Variants in ZNF705A observed in about 807,000 individuals in gnomAD.
The protein encoded by ZNF705A is zinc finger protein 705A.
A neutral mutation model predicts 16.6 loss-of-function variants in ZNF705A; 8 were observed. The observed-to-expected ratio is 0.48, with a 90% CI of 0.28 to 0.87. The LOEUF is 0.87. Among genes scored for constraint, ZNF705A ranks in the 40% least tolerant of loss-of-function variants. ZNF705A has a pLI of 0.10. For synonymous variants in ZNF705A, 73 were observed against 117.3 expected (o/e 0.62, Z 2.44); for missense variants, 233 against 359.9 (o/e 0.65, Z 2.85).
chr12:8,162,733 C>T (rs748345673), intron 1 of ZNF705A, among the ~76,000 whole-genome samples: 2 of 152,040 alleles, frequency 1.3e-5, no homozygotes, highest in Admixed American at 6.6e-5. Flanking sequence ...CAGACAAGAG[C>T]GAAATGCTGT....
At chr12:8,174,040 A>G (rs1948465176) in intron 1 of ZNF705A, among the ~76,000 whole-genome samples, 1 of 152,178 alleles carries the variant, frequency 6.6e-6, no homozygotes, top group South Asian at 2.1e-4. Context: ...TTTTATAATC[A>G]GTTATGTAGA....
At chr12:8,176,042 C>A in intron 4 of ZNF705A, 100 bp downstream of exon 5, 1 of 1,560,762 alleles carries the variant, frequency 6.4e-7, no homozygotes, top group Non-Finnish European at 8.7e-7. Flanking sequence ...ATTAGGCTGG[C>A]ATTAAGTGCT....
intron 2 of ZNF705A, among the ~76,000 whole-genome samples, chr12:8,174,712 C>T (rs1287742261): frequency 6.6e-6 from 1 of 152,152 alleles, no homozygotes; most frequent in Non-Finnish European, 1.5e-5. Context: ...GTCTCTAATA[C>T]TCATAACAGA....
Position 8,177,197 on chromosome 12 carries a change from C to A in ZNF705A, c.517C>A (p.Gln173Lys), listed in dbSNP as rs778030520. ...AATTCATACTAAAGGTAAATCATAT[C>A]AATGTAATCTATGTGAAAAGGCCTA... The change falls in exon 5 of 5, where the codon CAA becomes AAA. Residue 173 changes from glutamine to lysine, a missense_variant. Gln to Lys is a moderately conservative substitution (Grantham distance 53). Transcript: ENST00000359286. 1.2e-5 allele frequency: 19 copies of A among 1,611,848 alleles called. No individual in the cohort carries two copies. Among genetic ancestry groups the A allele is most frequent in the Non-Finnish European group, 1.6e-5 (19 of 1,179,836 alleles).
At chr12:8,157,429 C>T (rs867046680) in intron 1 of ZNF705A, among the ~76,000 whole-genome samples, 3 of 152,092 alleles carry the variant, frequency 2.0e-5, no homozygotes, top group African/African-American at 4.8e-5. Flanking sequence ...GTATAGGCTG[C>T]CTGAGGGGGA....
At chr12:8,164,425 T>C (rs1373634255) in intron 1 of ZNF705A, among the ~76,000 whole-genome samples, 3 of 152,232 alleles carry the variant, frequency 2.0e-5, no homozygotes. Context: ...TTCATTATTA[T>C]GTAACACTGA....
intron 1 of ZNF705A, among the ~76,000 whole-genome samples, chr12:8,158,353 TC>T: frequency 6.6e-6 from 1 of 152,268 alleles, no homozygotes; most frequent in African/African-American, 2.4e-5. Flanking sequence ...ATTATATTTT[TC>T]TTTTCTAGAG....
chr12:8,158,987 C>T (rs181623709), intron 1 of ZNF705A, among the ~76,000 whole-genome samples: 30 of 152,188 alleles, frequency 2.0e-4, no homozygotes, highest in Non-Finnish European at 3.8e-4. Flanking sequence ...CTCCAAGTCC[C>T]CAAAGTCCAT....
intron 4 of ZNF705A, among the ~76,000 whole-genome samples, chr12:8,176,413 G>C (rs1295125849): frequency 6.6e-6 from 1 of 152,122 alleles, no homozygotes; most frequent in Non-Finnish European, 1.5e-5. Context: ...AAGGGGAAAG[G>C]GTGGGATATT....
chr12:8,177,411 G>T (rs779827836), exon 5 of ZNF705A: 2 of 1,611,986 alleles, frequency 1.2e-6, no homozygotes. Flanking sequence ...TTTAACCTTC[G>T]AAGACATGAG....
rs763030510 is a variant in ZNF705A at position 8,174,308 on chromosome 12, A to G, written c.13-18A>G. The G allele has an allele frequency of 2.5e-6, 4 of 1,593,308 alleles. No individual in the cohort carries two copies. The highest frequency in any genetic ancestry group is 2.5e-6 in the Non-Finnish European group (3 of 1,177,842). ...AAGGGATTTCTCTGTCTAAACTAAAATGTCTGTGATGTTTTAGAAGAAAGT... is the reference window on the plus strand; with the variant it reads ...AAGGGATTTCTCTGTCTAAACTAAAGTGTCTGTGATGTTTTAGAAGAAAGT... On this transcript the variant is annotated intron_variant, in intron 1 of 4. Coordinates refer to ENST00000359286, the Ensembl canonical transcript of ZNF705A.
At chr12:8,178,580 T>C (rs1394236396) in exon 5 of ZNF705A, 5 of 152,216 alleles carry the variant, frequency 3.3e-5, no homozygotes, top group African/African-American at 1.2e-4. Flanking sequence ...TCTTAACACA[T>C]ACTTTAGCAA....
chr12:8,174,550 T>A, intron 2 of ZNF705A, 98 bp downstream of exon 3: 7 of 1,590,052 alleles, frequency 4.4e-6, no homozygotes, highest in Non-Finnish European at 6.0e-6. Context: ...TCTAATCTCT[T>A]CTCTGCTTCT....
rs375802105 is a variant in ZNF705A at position 8,177,349 on chromosome 12, G to A, written c.669G>A (p.Thr223=). Residue 223 remains threonine, a synonymous_variant, in exon 5 of 5, where the codon ACG becomes ACA. Coordinates refer to ENST00000359286, the Ensembl canonical transcript of ZNF705A. The stretch of plus-strand genomic sequence containing the variant: ...TTAGAAGACATGAGAAAACTCACAC[G>A]GGAGAGAGACCATATAAGTGTCATC... The A allele has an allele frequency of 7.6e-5, 123 of 1,611,918 alleles. No homozygotes were observed. The African/African-American group carries it at 1.2e-3, about 15-fold the overall frequency.
intron 1 of ZNF705A, among the ~76,000 whole-genome samples, chr12:8,163,415 A>G (rs981625997): frequency 6.6e-5 from 10 of 152,212 alleles, no homozygotes; most frequent in Non-Finnish European, 1.5e-4. Flanking sequence ...ACATTGAATG[A>G]TATTAGCAGC....
exon 5 of ZNF705A, chr12:8,179,975 C>T (rs373879118): frequency 6.6e-6 from 1 of 152,216 alleles, no homozygotes. Flanking sequence ...GGGAATCAAT[C>T]GACTTTTGTA....
At chr12:8,177,124 G>A in exon 5 of ZNF705A, 1 of 1,611,988 alleles carries the variant, frequency 6.2e-7, no homozygotes, top group East Asian at 2.2e-5. Context: ...TCAGCAAACA[G>A]TGTGGAAAAT....
intron 1 of ZNF705A, among the ~76,000 whole-genome samples, chr12:8,173,930 TA>T (rs34809755): frequency 6.6e-6 from 1 of 152,192 alleles, no homozygotes; most frequent in Non-Finnish European, 1.5e-5. Context: ...CAGTCATGTT[TA>T]AAAAGTAGTA....
At chr12:8,161,692 C>T (rs1004506358) in intron 1 of ZNF705A, among the ~76,000 whole-genome samples, 1 of 152,150 alleles carries the variant, frequency 6.6e-6, no homozygotes, top group African/African-American at 2.4e-5. Context: ...CTATTAGTAA[C>T]TGCCCCTGTC....
Sources: gnomAD v4.1 joint callset for allele counts (sites outside exome capture counted in the v4.1 genomes callset) on GRCh38, gnomAD v4.1.1 for gene constraint, MANE v1.5 for transcripts, NCBI Gene and HGNC (gene_info 2026-07-23, HGNC 2026-07-21) for gene names.